Variants in CHRM3 observed in about 807,000 individuals in gnomAD.
The protein encoded by CHRM3 is muscarinic acetylcholine receptor M3.
In CHRM3, 11 loss-of-function variants were observed where a neutral mutation model predicts 41.8. That is an observed-to-expected ratio of 0.26 (90% CI 0.17 to 0.44). The LOEUF is 0.44. CHRM3 is among the 20% of genes least tolerant of loss of function. The probability of loss-of-function intolerance (pLI) is 1.00; values close to 1 mark genes in which losing one functional copy is unlikely to be tolerated. For synonymous variants in CHRM3, 297 were observed against 301.4 expected (o/e 0.99, Z 0.15); for missense variants, 571 against 745.4 (o/e 0.77, Z 2.72).
At chr1:239,749,173 G>T (rs1665604406) in intron 5 of CHRM3, among the ~76,000 whole-genome samples, 1 of 152,196 alleles carries the variant, frequency 6.6e-6, no homozygotes, top group African/African-American at 2.4e-5. Flanking sequence ...GTTATAGGTG[G>T]TCAAACTTTA....
In CHRM3 at chr1:239,631,903, T is replaced by C. The variant is rs1669878982; in HGVS notation, c.-312-321T>C. 2.0e-5 allele frequency among the ~76,000 whole-genome samples: 3 copies of C among 152,230 alleles called. No homozygotes were observed. The South Asian group carries it at 6.2e-4, about 32-fold the overall frequency. ...AAAATGAAGAGATGAGCAACTTCTTTATTTTTATTCTTCTCACTCTATCTC... is the reference window on the plus strand; with the variant it reads ...AAAATGAAGAGATGAGCAACTTCTTCATTTTTATTCTTCTCACTCTATCTC... On this transcript the variant is annotated intron_variant, in intron 3 of 6. Transcript: ENST00000676153.
intron 6 of CHRM3, among the ~76,000 whole-genome samples, chr1:239,902,603 A>G (rs1478875520): frequency 6.6e-6 from 1 of 152,198 alleles, no homozygotes; most frequent in African/African-American, 2.4e-5. Context: ...AGTGGGTTTT[A>G]GTAGTGTGCT....
intron 3 of CHRM3, among the ~76,000 whole-genome samples, chr1:239,563,521 T>C (rs911463962): frequency 2.6e-5 from 4 of 152,228 alleles, no homozygotes; most frequent in Non-Finnish European, 5.9e-5. Context: ...GTTGCTATTT[T>C]TAAATCTAAA....
intron 2 of CHRM3, among the ~76,000 whole-genome samples, chr1:239,508,221 A>C (rs989494918): frequency 6.6e-6 from 1 of 152,224 alleles, no homozygotes; most frequent in East Asian, 1.9e-4. Flanking sequence ...ATTTAAGAAT[A>C]GTTACTAACT....
intron 5 of CHRM3, among the ~76,000 whole-genome samples, chr1:239,759,950 C>T (rs1049543464): frequency 3.9e-5 from 6 of 152,062 alleles, no homozygotes; most frequent in African/African-American, 9.6e-5. Flanking sequence ...AGTCTCGCTC[C>T]ATCGCCTAGG....
intron 1 of CHRM3, among the ~76,000 whole-genome samples, chr1:239,400,136 T>C (rs1055188259): frequency 2.0e-5 from 3 of 152,218 alleles, no homozygotes; most frequent in African/African-American, 7.2e-5. Flanking sequence ...CTCAAACTCC[T>C]GGCCTTAAGT....
At chr1:239,759,182 G>GTTTTTTTTTTTTTTTTTTTTTTT (rs1346616146) in intron 5 of CHRM3, among the ~76,000 whole-genome samples, 1 of 42,920 alleles carries the variant, frequency 2.3e-5, no homozygotes, top group Non-Finnish European at 4.7e-5. Context: ...TTTTTTTTTT[G>GTTTTTTTTTTTTTTTTTTTTTTT]TTTTTTTTTT....
intron 1 of CHRM3, among the ~76,000 whole-genome samples, chr1:239,405,884 G>A (rs538295372): frequency 2.6e-5 from 4 of 151,942 alleles, no homozygotes; most frequent in African/African-American, 9.7e-5. Context: ...AGGGCAAGAC[G>A]GATTTTTTTT....
chr1:239,909,001 G>C lies in CHRM3; in HGVS notation c.1550G>C (p.Cys517Ser), dbSNP rs755937525. The C allele has an allele frequency of 6.2e-7, 1 of 1,614,150 alleles. No homozygotes were observed. Among genetic ancestry groups the C allele is most frequent in the Non-Finnish European group, 8.5e-7 (1 of 1,180,042 alleles). ...ATCATGGTTCTGGTGAACACCTTTTGTGACAGCTGCATACCCAAAACCTTT... is the reference window on the plus strand; with the variant it reads ...ATCATGGTTCTGGTGAACACCTTTTCTGACAGCTGCATACCCAAAACCTTT... ...YNIMVLVNTF[C>S]DSCIPKTFWN... The change falls in exon 7 of 7, where the codon TGT becomes TCT. Residue 517 changes from cysteine (C) to serine (S), a missense_variant. By Grantham distance (112) the Cys-to-Ser change is moderately radical (BLOSUM62 -1). This residue lies in a region of CHRM3 where 43 missense variants were observed against 93.7 expected (regional missense o/e 0.46). Coordinates refer to ENST00000676153, the MANE Select transcript of CHRM3 (RefSeq NM_001375978.1).
At chr1:239,862,673 T>G (rs1675735659) in intron 6 of CHRM3, among the ~76,000 whole-genome samples, 1 of 152,158 alleles carries the variant, frequency 6.6e-6, no homozygotes, top group African/African-American at 2.4e-5. Context: ...TAGTAACATG[T>G]TTGAAAATAA....
chr1:239,471,898 G>A (rs955285464), intron 1 of CHRM3, among the ~76,000 whole-genome samples: 4 of 152,158 alleles, frequency 2.6e-5, no homozygotes, highest in East Asian at 1.9e-4. Flanking sequence ...GATTGACTGC[G>A]GGGAGGCCTG....
chr1:239,597,393 T>C (rs1459683782), intron 3 of CHRM3, among the ~76,000 whole-genome samples: 2 of 152,208 alleles, frequency 1.3e-5, no homozygotes, highest in Middle Eastern at 3.2e-3. Context: ...TAACCATCAG[T>C]AGCTAACCTG....
intron 2 of CHRM3, among the ~76,000 whole-genome samples, chr1:239,495,773 G>A (rs2148095945): frequency 6.6e-6 from 1 of 152,222 alleles, no homozygotes; most frequent in African/African-American, 2.4e-5. Flanking sequence ...CGTTTAGTAA[G>A]CACTCAATAT....
chr1:239,781,553 G>A (rs1307950533), intron 5 of CHRM3, among the ~76,000 whole-genome samples: 1 of 152,024 alleles, frequency 6.6e-6, no homozygotes, highest in Non-Finnish European at 1.5e-5. Context: ...TTCCTACATA[G>A]ATGATCATGC....
chr1:239,718,297 A>C (rs923447437), intron 5 of CHRM3, among the ~76,000 whole-genome samples: 2 of 152,054 alleles, frequency 1.3e-5, no homozygotes, highest in Non-Finnish European at 2.9e-5. Context: ...AATTTGAAAT[A>C]AATTCACCAT....
chr1:239,530,563 G>A (rs1670331897), intron 2 of CHRM3, among the ~76,000 whole-genome samples: 1 of 152,196 alleles, frequency 6.6e-6, no homozygotes, highest in Non-Finnish European at 1.5e-5. Flanking sequence ...ACAAACGTCA[G>A]TGGATTTCAG....
intron 5 of CHRM3, among the ~76,000 whole-genome samples, chr1:239,692,249 G>T (rs961774120): frequency 1.3e-5 from 2 of 152,156 alleles, no homozygotes; most frequent in Admixed American, 6.5e-5. Context: ...TATATGGATG[G>T]ACCAGGCTTT....
chr1:239,634,107 C>G (rs929096323), intron 4 of CHRM3, among the ~76,000 whole-genome samples: 4 of 152,194 alleles, frequency 2.6e-5, no homozygotes, highest in Non-Finnish European at 5.9e-5. Context: ...GAACTTGGAC[C>G]TGTCAGATGC....
intron 5 of CHRM3, among the ~76,000 whole-genome samples, chr1:239,807,833 CACACACACACACAT>C (rs1670777502): frequency 1.3e-5 from 2 of 151,388 alleles, no homozygotes; most frequent in Non-Finnish European, 1.5e-5. Flanking sequence ...CACACACACA[CACACACACACACAT>C]ACACACACAC....
Sources: gnomAD v4.1 joint callset for allele counts (sites outside exome capture counted in the v4.1 genomes callset) on GRCh38, gnomAD v4.1.1 for gene constraint, gnomAD v4.1.1 regional missense constraint, MANE v1.5 for transcripts, NCBI Gene and HGNC (gene_info 2026-07-23, HGNC 2026-07-21) for gene names.